Variants in NKAIN3 observed in about 807,000 individuals in gnomAD.
NKAIN3 encodes the protein sodium/potassium transporting ATPase interacting 3.
NKAIN3 carries 25 observed loss-of-function variants against 30.2 expected under a neutral mutation model. The ratio of observed to expected loss-of-function variants is 0.83; its 90% CI spans 0.60 to 1.16. The LOEUF (loss-of-function observed/expected upper bound fraction) is 1.16, where lower values mean the gene tolerates loss of function less well. NKAIN3 is among the 50% of genes most tolerant of loss of function. NKAIN3 has a pLI of 0.00. For missense variants in NKAIN3, 225 were observed against 254.1 expected (o/e 0.89, Z 0.78); for synonymous variants, 91 against 89.6 (o/e 1.02, Z -0.09).
chr8:62,929,847 T>G (rs1822564987), intron 5 of NKAIN3, among the ~76,000 whole-genome samples: 1 of 152,178 alleles, frequency 6.6e-6, no homozygotes, highest in African/African-American at 2.4e-5. Flanking sequence ...GAGATTGTTT[T>G]GAGATTTTTC....
At chr8:62,509,475 G>A (rs1377706702) in intron 1 of NKAIN3, among the ~76,000 whole-genome samples, 4 of 151,954 alleles carry the variant, frequency 2.6e-5, no homozygotes, top group Admixed American at 1.3e-4. Context: ...GCATGTCTCC[G>A]ACTTAATAAA....
chr8:62,617,859 G>A (rs529601312), intron 3 of NKAIN3, among the ~76,000 whole-genome samples: 2 of 152,248 alleles, frequency 1.3e-5, no homozygotes, highest in South Asian at 4.1e-4. Context: ...GTCTTATCTA[G>A]GCAGAGGGAA....
rs73256775 is a variant in NKAIN3, at chr8:62,334,536, A to C, written c.54+85409A>C. ...GCAAAGACCCTTTGTCCAATTCAAC[A>C]AAGACCATACGTTTCCTAACTCAAT... On this transcript the variant is annotated intron_variant, in intron 1 of 6. Transcript: ENST00000623646. 2.0e-5 allele frequency among the ~76,000 whole-genome samples: 3 copies of C among 152,132 alleles called. No individual in the cohort carries two copies. In the South Asian group the frequency reaches 6.2e-4, roughly 31 times the overall value.
At chr8:62,452,513 CAAAT>C (rs1805674535) in intron 1 of NKAIN3, among the ~76,000 whole-genome samples, 1 of 151,970 alleles carries the variant, frequency 6.6e-6, no homozygotes, top group South Asian at 2.1e-4. Flanking sequence ...AACAAACAAA[CAAAT>C]AGAATTTACT....
intron 3 of NKAIN3, among the ~76,000 whole-genome samples, chr8:62,642,484 C>G (rs1812340328): frequency 6.6e-6 from 1 of 152,054 alleles, no homozygotes; most frequent in Non-Finnish European, 1.5e-5. Flanking sequence ...CTCTGACTGC[C>G]AGGTTCTCAA....
intron 3 of NKAIN3, among the ~76,000 whole-genome samples, chr8:62,707,366 T>C: frequency 6.6e-6 from 1 of 152,146 alleles, no homozygotes; most frequent in South Asian, 2.1e-4. Flanking sequence ...GTGTTTCCTG[T>C]TCGCCACACT....
intron 4 of NKAIN3, among the ~76,000 whole-genome samples, chr8:62,879,704 A>G (rs931905286): frequency 5.3e-5 from 8 of 152,122 alleles, no homozygotes; most frequent in Non-Finnish European, 8.8e-5. Context: ...CTCCCACCTA[A>G]CAGAGGGACT....
chr8:62,915,368 A>G (rs557629348), intron 4 of NKAIN3, among the ~76,000 whole-genome samples: 1 of 152,306 alleles, frequency 6.6e-6, no homozygotes, highest in Admixed American at 6.5e-5. Flanking sequence ...AAGGCAGGGG[A>G]GGAAGGACCA....
At chr8:62,279,871 C>T (rs1462031387) in intron 1 of NKAIN3, among the ~76,000 whole-genome samples, 2 of 151,990 alleles carry the variant, frequency 1.3e-5, no homozygotes, top group Admixed American at 6.6e-5. Context: ...TTTTTTGGTT[C>T]CATATGAACT....
chr8:62,803,596 C>T (rs1166467455), intron 4 of NKAIN3, among the ~76,000 whole-genome samples: 1 of 152,110 alleles, frequency 6.6e-6, no homozygotes, highest in African/African-American at 2.4e-5. Flanking sequence ...ACCAGAATCT[C>T]TGGGACACAT....
At chr8:62,250,898 T>G (rs1047888800) in intron 1 of NKAIN3, among the ~76,000 whole-genome samples, 9 of 152,194 alleles carry the variant, frequency 5.9e-5, no homozygotes, top group Non-Finnish European at 1.3e-4. Flanking sequence ...ACTTCGCTTT[T>G]TCCTCTGTTA....
chr8:62,754,192 T>G (rs1477678858), intron 4 of NKAIN3, among the ~76,000 whole-genome samples: 3 of 152,174 alleles, frequency 2.0e-5, no homozygotes, highest in African/African-American at 7.2e-5. Flanking sequence ...AACTTTTATT[T>G]GATCATTTAG....
chr8:62,377,102 CA>C (rs1379116634), intron 1 of NKAIN3, among the ~76,000 whole-genome samples: 2 of 151,982 alleles, frequency 1.3e-5, no homozygotes, highest in Non-Finnish European at 2.9e-5. Flanking sequence ...GGAAAATTAA[CA>C]ATAGACTAAA....
intron 1 of NKAIN3, among the ~76,000 whole-genome samples, chr8:62,408,734 T>C (rs1804151329): frequency 6.6e-6 from 1 of 152,156 alleles, no homozygotes; most frequent in Non-Finnish European, 1.5e-5. Context: ...GCCATTACCA[T>C]GTCCAAACAG....
chr8:62,527,873 CT>C (rs1267019993), intron 1 of NKAIN3, among the ~76,000 whole-genome samples: 3 of 103,406 alleles, frequency 2.9e-5, no homozygotes, highest in African/African-American at 9.6e-5. Context: ...GGAATTAGTA[CT>C]TTTTTTTGGT....
At chr8:62,550,128 C>A (rs954049926) in intron 1 of NKAIN3, among the ~76,000 whole-genome samples, 1 of 152,040 alleles carries the variant, frequency 6.6e-6, no homozygotes, top group South Asian at 2.1e-4. Context: ...AATCATGTAG[C>A]TATGTTAAGA....
chr8:62,987,033 A>C (rs1298404940), downstream of NKAIN3, among the ~76,000 whole-genome samples: 1 of 152,160 alleles, frequency 6.6e-6, no homozygotes, highest in African/African-American at 2.4e-5. Flanking sequence ...TGAATGCTAG[A>C]TATATTTCCA....
Position 62,973,389 on chromosome 8 carries a change from C to T in NKAIN3, c.*7982C>T, listed in dbSNP as rs544020197. 8.5e-5 allele frequency among the ~76,000 whole-genome samples: 13 copies of T among 152,064 alleles called. No individual in the cohort carries two copies. Among genetic ancestry groups the T allele is most frequent in the African/African-American group, 2.7e-4 (11 of 41,502 alleles). On this transcript the variant is annotated 3_prime_UTR_variant, in exon 7 of 7. Transcript: ENST00000623646. ...CTGGTGTGAGGTGGTATCTCATTGT[C>T]GTTTTGATTTGCATTTCTCTAATGA...
intron 1 of NKAIN3, among the ~76,000 whole-genome samples, chr8:62,491,903 T>A (rs1486626595): frequency 6.6e-6 from 1 of 151,836 alleles, no homozygotes; most frequent in Non-Finnish European, 1.5e-5. Context: ...AAAGAAGAGA[T>A]GAAAAAATGT....
Sources: gnomAD v4.1 joint callset for allele counts (sites outside exome capture counted in the v4.1 genomes callset) on GRCh38, gnomAD v4.1.1 for gene constraint, MANE v1.5 for transcripts, NCBI Gene and HGNC (gene_info 2026-07-23, HGNC 2026-07-21) for gene names.